ERC2: variants seen among roughly 807,000 people sequenced by gnomAD.
ERC2 encodes ERC protein 2.
ERC2 carries 42 observed loss-of-function variants against 114.8 expected under a neutral mutation model. That is an observed-to-expected ratio of 0.37 (90% confidence interval 0.29 to 0.47). The LOEUF (loss-of-function observed/expected upper bound fraction) is 0.47. Ranked by LOEUF, ERC2 falls within the 20% of genes least tolerant of loss-of-function variation. ERC2 has a pLI of 0.99. For missense variants in ERC2, 939 were observed against 1,150.7 expected (o/e 0.82, Z 2.66); for synonymous variants, 454 against 425.5 (o/e 1.07, Z -0.82).
chr3:56,021,062 G>C (rs1403383458), intron 7 of ERC2, among the ~76,000 whole-genome samples: 2 of 152,040 alleles, frequency 1.3e-5, no homozygotes, highest in African/African-American at 2.4e-5. Context: ...CTGACTAACA[G>C]AGCTGGAATT....
At chr3:55,638,952 T>C (rs752290008) in intron 17 of ERC2, among the ~76,000 whole-genome samples, 16 of 152,276 alleles carry the variant, frequency 1.1e-4, no homozygotes, top group Non-Finnish European at 2.2e-4. Context: ...TCAAAGACAA[T>C]AAGATGAATG....
chr3:56,424,709 C>A (rs1383582999), intron 2 of ERC2, among the ~76,000 whole-genome samples: 1 of 152,090 alleles, frequency 6.6e-6, no homozygotes, highest in Non-Finnish European at 1.5e-5. Context: ...AAGTCTGGAC[C>A]AAAATTTTTC....
At chr3:55,914,947 G>C (rs890457319) in intron 13 of ERC2, among the ~76,000 whole-genome samples, 6 of 152,092 alleles carry the variant, frequency 3.9e-5, no homozygotes, top group Non-Finnish European at 8.8e-5. Flanking sequence ...AAACAATTAA[G>C]ATAGAACCAA....
intron 3 of ERC2, among the ~76,000 whole-genome samples, chr3:56,250,083 C>A (rs2052039058): frequency 6.6e-6 from 1 of 152,118 alleles, no homozygotes; most frequent in Non-Finnish European, 1.5e-5. Flanking sequence ...GTCTTGAACT[C>A]CTGACCTTGT....
intron 2 of ERC2, among the ~76,000 whole-genome samples, chr3:56,355,047 C>T (rs1027095577): frequency 3.3e-5 from 5 of 152,196 alleles, no homozygotes; most frequent in Non-Finnish European, 5.9e-5. Context: ...CCTAATGCAA[C>T]CACTCTCCCC....
intron 6 of ERC2, among the ~76,000 whole-genome samples, chr3:56,082,355 A>G (rs2077279435): frequency 6.6e-6 from 1 of 152,160 alleles, no homozygotes; most frequent in Non-Finnish European, 1.5e-5. Flanking sequence ...TATATGAAGC[A>G]TTGATTGATC....
chr3:55,638,425 C>A (rs927569982), intron 17 of ERC2, among the ~76,000 whole-genome samples: 1 of 152,214 alleles, frequency 6.6e-6, no homozygotes, highest in African/African-American at 2.4e-5. Context: ...CCCCGAGGGG[C>A]TCGGCAAAGC....
intron 14 of ERC2, among the ~76,000 whole-genome samples, chr3:55,790,696 C>A (rs2069936249): frequency 6.6e-6 from 1 of 152,230 alleles, no homozygotes. Flanking sequence ...CCAACCCAGA[C>A]AATGGCCCAT....
At chr3:56,291,429 T>C (rs2055078155) in intron 3 of ERC2, among the ~76,000 whole-genome samples, 1 of 151,974 alleles carries the variant, frequency 6.6e-6, no homozygotes, top group Non-Finnish European at 1.5e-5. Flanking sequence ...AAAGAAGTGG[T>C]TTCACACTCA....
intron 17 of ERC2, among the ~76,000 whole-genome samples, chr3:55,603,970 T>G (rs2058529060): frequency 6.6e-6 from 1 of 152,168 alleles, no homozygotes; most frequent in Non-Finnish European, 1.5e-5. Context: ...AACAGATGAT[T>G]TCACCCCCCC....
intron 14 of ERC2, among the ~76,000 whole-genome samples, chr3:55,843,865 A>C (rs1206082436): frequency 1.3e-5 from 2 of 152,226 alleles, no homozygotes; most frequent in South Asian, 4.1e-4. Context: ...GAGCCTCATC[A>C]CAATGAATGT....
intron 7 of ERC2, among the ~76,000 whole-genome samples, chr3:56,054,044 C>T (rs2075891732): frequency 6.6e-6 from 1 of 152,106 alleles, no homozygotes; most frequent in Admixed American, 6.6e-5. Context: ...CTTCAAGTTC[C>T]CAGTAAGTTA....
chr3:55,841,245 T>C (rs552444314), intron 14 of ERC2, among the ~76,000 whole-genome samples: 1 of 152,320 alleles, frequency 6.6e-6, no homozygotes, highest in Admixed American at 6.5e-5. Context: ...TTCCCATGCG[T>C]TCCATGTGAG....
chr3:56,020,820 T>C (rs765725826), intron 7 of ERC2, among the ~76,000 whole-genome samples: 8 of 152,100 alleles, frequency 5.3e-5, no homozygotes, highest in African/African-American at 1.9e-4. Flanking sequence ...TCAAAGGACT[T>C]TGGGCACGAG....
intron 12 of ERC2, among the ~76,000 whole-genome samples, chr3:55,971,377 G>A (rs561512141): frequency 1.3e-5 from 2 of 151,840 alleles, no homozygotes; most frequent in African/African-American, 4.8e-5. Context: ...ACAAATGCTA[G>A]TAATAAAAAA....
chr3:55,963,535 T>G (rs1162709366), intron 12 of ERC2, among the ~76,000 whole-genome samples: 1 of 152,162 alleles, frequency 6.6e-6, no homozygotes, highest in African/African-American at 2.4e-5. Flanking sequence ...GGACAAGACA[T>G]AAGATAAAAA....
At chr3:55,735,359 T>A (rs1481912228) in intron 14 of ERC2, among the ~76,000 whole-genome samples, 1 of 152,196 alleles carries the variant, frequency 6.6e-6, no homozygotes. Context: ...ATTGGGAAGT[T>A]TAAGGGCATG....
intron 16 of ERC2, among the ~76,000 whole-genome samples, chr3:55,695,195 A>C (rs558146175): frequency 1.3e-4 from 20 of 152,270 alleles, no homozygotes; most frequent in South Asian, 4.1e-4. Flanking sequence ...CCTAAGAAAA[A>C]TCTCTAATGT....
At chr3:56,405,565 TCATAATATATACCATAAGACACATA>T (rs1228498077) in intron 2 of ERC2, among the ~76,000 whole-genome samples, 1 of 152,144 alleles carries the variant, frequency 6.6e-6, no homozygotes, top group Non-Finnish European at 1.5e-5. Context: ...GAATGTTCAT[TCATAATATATACCATAAGACACATA>T]GATACATAGC....
Sources: allele counts gnomAD v4.1 joint callset (sites outside exome capture counted in the v4.1 genomes callset), GRCh38; gene constraint gnomAD v4.1.1; transcripts MANE v1.5; gene names NCBI Gene and HGNC (gene_info 2026-07-23, HGNC 2026-07-21).